Variants in TRMT9B observed in about 807,000 individuals in gnomAD.
TRMT9B encodes tRNA methyltransferase 9B (putative).
Under a neutral mutation model 11.5 loss-of-function variants are expected in TRMT9B, and 16 were observed. The ratio of observed to expected loss-of-function variants is 1.39; its 90% CI spans 0.94 to 2.11. The LOEUF is 2.11. TRMT9B is among the 30% of genes most tolerant of loss of function. The probability of loss-of-function intolerance (pLI) is 0.00; values close to 1 mark genes in which losing one functional copy is unlikely to be tolerated. For missense variants in TRMT9B, 941 were observed against 553.8 expected, an observed-to-expected ratio of 1.70 and a Z score of -7.02; for synonymous variants, 274 against 192.4, an observed-to-expected ratio of 1.42 and a Z score of -3.51.
chr8:13,021,629 C>A lies in TRMT9B; in HGVS notation c.950C>A (p.Ser317Tyr). ...LDEEVFVESSSGKHLEWLRAP... is the reference protein window; with the variant it reads ...LDEEVFVESSYGKHLEWLRAP... ...GAGGAAGTGTTTGTGGAATCTTCTTCTGGAAAACACTTGGAGTGGCTGAGA... is the reference window on the plus strand; with the variant it reads ...GAGGAAGTGTTTGTGGAATCTTCTTATGGAAAACACTTGGAGTGGCTGAGA... Residue 317 changes from serine to tyrosine, a missense_variant, in exon 5 of 5, where the codon TCT (serine) becomes TAT (tyrosine). Ser to Tyr is a moderately radical substitution (Grantham distance 144). Transcript: ENST00000524591. 1 of 1,613,774 alleles carries A rather than the reference C, an allele frequency of 6.2e-7. No homozygotes were observed. Among genetic ancestry groups the A allele is most frequent in the Non-Finnish European group, 8.5e-7 (1 of 1,179,794 alleles).
intron 2 of TRMT9B, among the ~76,000 whole-genome samples, chr8:13,005,840 T>G (rs1448019867): frequency 2.6e-5 from 4 of 152,226 alleles, no homozygotes; most frequent in Non-Finnish European, 5.9e-5. Context: ...GTTATGAAAT[T>G]TTGAAATCTA....
At chr8:12,978,735 G>A (rs1246110180) in intron 1 of TRMT9B, among the ~76,000 whole-genome samples, 2 of 152,166 alleles carry the variant, frequency 1.3e-5, no homozygotes, top group African/African-American at 2.4e-5. Flanking sequence ...CTCAACTCTG[G>A]TTAGGCCACC....
intron 2 of TRMT9B, among the ~76,000 whole-genome samples, chr8:12,997,040 GT>G (rs1222077128): frequency 1.4e-5 from 2 of 147,290 alleles, no homozygotes; most frequent in Non-Finnish European, 3.0e-5. Flanking sequence ...ATGGGCTCAT[GT>G]TTTTGTACTT....
chr8:12,946,489 T>C (rs745404817), intron 1 of TRMT9B, among the ~76,000 whole-genome samples: 1 of 152,018 alleles, frequency 6.6e-6, no homozygotes, highest in Admixed American at 6.6e-5. Context: ...ACGGAGATTG[T>C]AGAAGAAAGA....
In TRMT9B at chr8:13,027,019, T is replaced by C. The variant is rs1052672341; in HGVS notation, c.*4975T>C. On this transcript the variant is annotated 3_prime_UTR_variant, in exon 5 of 5. Transcript: ENST00000524591. ...TAAAAAATAGTTCTTGGTTGCAAAA[T>C]ATTCTGGGACCACTTTTCTCCAACT... is the stretch of plus-strand genomic sequence containing the variant. 6.0e-6 allele frequency: 1 copy of C among 167,116 alleles called. No homozygotes were observed. The highest frequency in any genetic ancestry group is 6.5e-5 in the Admixed American group (1 of 15,290). The allele number at this position is 167,116 out of a possible 1,614,324, so 10.4% of individuals were successfully genotyped here. A position where few individuals can be genotyped will look rare whatever the true frequency, so the allele number is the denominator to read the frequency against.
chr8:13,009,191 T>A (rs1225348669), intron 3 of TRMT9B, among the ~76,000 whole-genome samples: 1 of 152,066 alleles, frequency 6.6e-6, no homozygotes, highest in Non-Finnish European at 1.5e-5. Flanking sequence ...ATACATGGGA[T>A]CTAAAACAGT....
chr8:12,978,529 T>C (rs1353304198), intron 1 of TRMT9B, among the ~76,000 whole-genome samples: 1 of 144,268 alleles, frequency 6.9e-6, no homozygotes, highest in African/African-American at 2.5e-5. Context: ...GATAGATAGA[T>C]AGATAGATAG....
rs928427891 is a variant in TRMT9B at position 13,025,818 on chromosome 8, C to T, written c.*3774C>T. The stretch of plus-strand genomic sequence containing the variant: ...TGCAGAATAGTGCTAATTCTTATTT[C>T]TCGTTTGCCTTTCTATTTCCTTCCA... On this transcript the variant is annotated 3_prime_UTR_variant, in exon 5 of 5. Coordinates refer to ENST00000524591, the MANE Select transcript of TRMT9B (RefSeq NM_020844.3). The T allele has an allele frequency of 5.4e-5, 9 of 166,986 alleles. No homozygotes were observed. The highest frequency in any genetic ancestry group is 2.2e-4 in the African/African-American group (9 of 41,572). The allele number at this position is 166,986 out of a possible 1,614,324, so 10.3% of individuals were successfully genotyped here.
At chr8:12,996,538 C>T (rs189633235) in intron 2 of TRMT9B, among the ~76,000 whole-genome samples, 44 of 152,212 alleles carry the variant, frequency 2.9e-4, no homozygotes, top group Non-Finnish European at 4.7e-4. Flanking sequence ...ATCTTTGAAC[C>T]CAGTGATCTC....
rs189576642 is a variant in TRMT9B, at chr8:12,973,327, G to A, written c.-199-17507G>A. On this transcript the variant is annotated intron_variant, in intron 1 of 4. Coordinates refer to ENST00000524591, the MANE Select transcript of TRMT9B (RefSeq NM_020844.3). ...ACATGCACAGCATCGTGGGAGAAGA[G>A]AAGGTATTTCTCCCCATCCTCAAGT... 1.3e-5 allele frequency among the ~76,000 whole-genome samples: 2 copies of A among 152,264 alleles called. 1 individual carries two copies. Among genetic ancestry groups the A allele is most frequent in the Admixed American group, 1.3e-4 (2 of 15,292 alleles).
rs1242375241 is a variant in TRMT9B, at chr8:13,026,603, C to G, written c.*4559C>G. 6.0e-6 allele frequency: 1 copy of G among 167,044 alleles called. No individual in the cohort carries two copies. Among genetic ancestry groups the G allele is most frequent in the Non-Finnish European group, 1.5e-5 (1 of 68,122 alleles). 10.3% of individuals were successfully genotyped at this position (167,044 alleles called of 1,614,324 possible). A position where few individuals can be genotyped will look rare whatever the true frequency, so the allele number is the denominator to read the frequency against. ...AACGTTCATTAATTTATATGCAGTCCTCACCACAGCCCTCCAAGATAACTA... is the reference window on the plus strand; with the variant it reads ...AACGTTCATTAATTTATATGCAGTCGTCACCACAGCCCTCCAAGATAACTA... On this transcript the variant is annotated 3_prime_UTR_variant, in exon 5 of 5. Coordinates refer to ENST00000524591, the MANE Select transcript of TRMT9B (RefSeq NM_020844.3).
chr8:13,020,780 G>A (rs917248626), intron 4 of TRMT9B, among the ~76,000 whole-genome samples: 29 of 152,202 alleles, frequency 1.9e-4, no homozygotes, highest in African/African-American at 7.0e-4. Context: ...TAAATATCTT[G>A]CCCAAGATCA....
In TRMT9B at chr8:12,987,835, A is replaced by G. The variant is rs539926461; in HGVS notation, c.-199-2999A>G. On this transcript the variant is annotated intron_variant, in intron 1 of 4. Coordinates refer to ENST00000524591, the MANE Select transcript of TRMT9B (RefSeq NM_020844.3). The stretch of plus-strand genomic sequence containing the variant: ...GCAAAAAGGAACACTGTCAAATCTC[A>G]GTTGTCTACATTCATGATGGTGTGC... Among the ~76,000 whole-genome samples the G allele has an allele frequency of 8.5e-5, 13 of 152,254 alleles. No individual in the cohort carries two copies. The South Asian group carries it at 2.7e-3, about 32-fold the overall frequency.
At chr8:12,962,914 G>A (rs887041409) in intron 1 of TRMT9B, among the ~76,000 whole-genome samples, 6 of 152,180 alleles carry the variant, frequency 3.9e-5, no homozygotes, top group Admixed American at 1.3e-4. Flanking sequence ...CTGTGGCTGT[G>A]TGTTTGTGCT....
intron 1 of TRMT9B, among the ~76,000 whole-genome samples, chr8:12,975,572 A>G (rs934351926): frequency 1.3e-5 from 2 of 152,058 alleles, no homozygotes; most frequent in Non-Finnish European, 2.9e-5. Context: ...CCGAGTCTCT[A>G]TTAAAAATAC....
intron 1 of TRMT9B, chr8:12,958,721 G>C (rs1287186630): frequency 1.3e-5 from 2 of 152,120 alleles, no homozygotes; most frequent in African/African-American, 4.8e-5. Flanking sequence ...TTGAACAAAA[G>C]AATTCTCCAT....
At chr8:12,960,844 G>C (rs953395251) in intron 1 of TRMT9B, among the ~76,000 whole-genome samples, 4 of 152,102 alleles carry the variant, frequency 2.6e-5, no homozygotes, top group African/African-American at 4.8e-5. Flanking sequence ...CCAGGGATTT[G>C]TAGGGCAATA....
At chr8:12,975,606 C>T (rs1804327623) in intron 1 of TRMT9B, among the ~76,000 whole-genome samples, 1 of 152,056 alleles carries the variant, frequency 6.6e-6, no homozygotes, top group African/African-American at 2.4e-5. Context: ...GGTATGGTGG[C>T]ATGTGTCTGT....
chr8:12,958,462 T>G (rs570393520), intron 1 of TRMT9B: 1 of 152,506 alleles, frequency 6.6e-6, no homozygotes, highest in East Asian at 1.9e-4. Flanking sequence ...ATCAGATTGG[T>G]GCCCAGCTAT....
Sources: allele counts gnomAD v4.1 joint callset (sites outside exome capture counted in the v4.1 genomes callset), GRCh38; gene constraint gnomAD v4.1.1; transcripts MANE v1.5; gene names NCBI Gene and HGNC (gene_info 2026-07-23, HGNC 2026-07-21).